Variants in TRIQK observed in about 807,000 individuals in gnomAD.
TRIQK encodes triple QxxK/R motif containing.
In TRIQK, 10 loss-of-function variants were observed where a neutral mutation model predicts 10.8. That is an observed-to-expected ratio of 0.92 (90% CI 0.57 to 1.57). The LOEUF (loss-of-function observed/expected upper bound fraction) is 1.57, where lower values mean the gene tolerates loss of function less well. Among genes scored for constraint, TRIQK ranks in the 40% most tolerant of loss-of-function variants. TRIQK has a pLI of 0.00. For missense variants in TRIQK, 107 were observed against 97.7 expected, an observed-to-expected ratio of 1.09 and a Z score of -0.40; for synonymous variants, 33 against 33.7, an observed-to-expected ratio of 0.98 and a Z score of 0.07.
At chr8:92,922,168 A>G (rs1039390278) in intron 2 of TRIQK, 6 of 151,758 alleles carry the variant, frequency 4.0e-5, no homozygotes, top group African/African-American at 1.4e-4. Context: ...GACAGCACCT[A>G]ATTCTATAGT....
intron 2 of TRIQK, among the ~76,000 whole-genome samples, chr8:92,934,043 A>C (rs1215504300): frequency 2.6e-5 from 4 of 152,062 alleles, no homozygotes; most frequent in Non-Finnish European, 5.9e-5. Flanking sequence ...GAAAGTGTGA[A>C]AGAAATAAAA....
At chr8:92,915,215 G>A (rs1294811165) in intron 3 of TRIQK, among the ~76,000 whole-genome samples, 4 of 152,074 alleles carry the variant, frequency 2.6e-5, no homozygotes, top group African/African-American at 9.7e-5. Flanking sequence ...GAGGGAAGGG[G>A]AAATGCAGAG....
At chr8:92,957,729 A>G (rs1376950918) in intron 1 of TRIQK, among the ~76,000 whole-genome samples, 1 of 151,928 alleles carries the variant, frequency 6.6e-6, no homozygotes, top group East Asian at 1.9e-4. Flanking sequence ...AGTTAGTTCT[A>G]TCTACTCAGG....
At chr8:92,932,308 A>G (rs1175908057) in intron 2 of TRIQK, among the ~76,000 whole-genome samples, 1 of 152,136 alleles carries the variant, frequency 6.6e-6, no homozygotes, top group Admixed American at 6.6e-5. Flanking sequence ...ATCTAGCATC[A>G]TTCTAACAAA....
intron 2 of TRIQK, chr8:92,922,265 C>A (rs1276469046): frequency 6.6e-6 from 1 of 151,690 alleles, no homozygotes; most frequent in African/African-American, 2.4e-5. Flanking sequence ...ATAATTTATT[C>A]ATATAGCAAT....
chr8:92,903,521 G>T (rs1809070742), intron 3 of TRIQK, among the ~76,000 whole-genome samples: 1 of 152,082 alleles, frequency 6.6e-6, no homozygotes, highest in Non-Finnish European at 1.5e-5. Context: ...TACATGCATA[G>T]TTAGGAGGAT....
At chr8:92,976,866 T>A (rs1812938486) in intron 1 of TRIQK, among the ~76,000 whole-genome samples, 1 of 152,028 alleles carries the variant, frequency 6.6e-6, no homozygotes, top group African/African-American at 2.4e-5. Context: ...AGAAATATTA[T>A]ATTATTTCAC....
intron 1 of TRIQK, among the ~76,000 whole-genome samples, chr8:92,960,210 CTATCTATCTATG>C (rs1264053375): frequency 6.6e-6 from 1 of 152,000 alleles, no homozygotes; most frequent in Non-Finnish European, 1.5e-5. Flanking sequence ...GTCTATCTAT[CTATCTATCTATG>C]TATCTATCTT....
intron 3 of TRIQK, among the ~76,000 whole-genome samples, chr8:92,906,710 T>C (rs1809277117): frequency 8.1e-6 from 1 of 123,034 alleles, no homozygotes; most frequent in South Asian, 2.5e-4. Flanking sequence ...CACGGTGAAA[T>C]CCCGTCTCTA....
intron 2 of TRIQK, among the ~76,000 whole-genome samples, chr8:92,920,793 C>A (rs1810138998): frequency 6.6e-6 from 1 of 151,652 alleles, no homozygotes; most frequent in Non-Finnish European, 1.5e-5. Context: ...TACTAAGAAA[C>A]CAGAAACATA....
intron 1 of TRIQK, among the ~76,000 whole-genome samples, chr8:92,988,511 G>A (rs1477285865): frequency 5.3e-5 from 8 of 152,006 alleles, no homozygotes; most frequent in African/African-American, 1.2e-4. Flanking sequence ...TTCTACTCTC[G>A]TGCTAGAAAT....
At chr8:93,015,253 C>T (rs918957353) in intron 1 of TRIQK, among the ~76,000 whole-genome samples, 5 of 151,818 alleles carry the variant, frequency 3.3e-5, no homozygotes, top group African/African-American at 1.2e-4. Flanking sequence ...AATTTCTTTA[C>T]ATAATTCTAG....
chr8:92,893,532 A>T (rs1254220941), intron 3 of TRIQK, among the ~76,000 whole-genome samples: 1 of 152,004 alleles, frequency 6.6e-6, no homozygotes, highest in African/African-American at 2.4e-5. Flanking sequence ...TAAATAATGG[A>T]ATGAACAAAA....
In TRIQK at chr8:92,885,262, T is replaced by C. The variant is rs1470419845; in HGVS notation, c.*1360A>G. On this transcript the variant is annotated 3_prime_UTR_variant, in exon 5 of 5. Transcript: ENST00000521988. ...GACTTTTTGCAAAAGTACCAGAGAATATCTTTTAGAAACAGTGCTTATAAA... is the reference window on the plus strand; with the variant it reads ...GACTTTTTGCAAAAGTACCAGAGAACATCTTTTAGAAACAGTGCTTATAAA... The C allele has an allele frequency of 3.1e-6, 1 of 318,318 alleles. No individual in the cohort carries two copies. The highest frequency in any genetic ancestry group is 7.7e-5 in the East Asian group (1 of 12,996). 19.7% of individuals were successfully genotyped at this position (318,318 alleles called of 1,614,324 possible).
chr8:92,947,057 G>A (rs1282630038), intron 2 of TRIQK, among the ~76,000 whole-genome samples: 3 of 151,682 alleles, frequency 2.0e-5, no homozygotes, highest in African/African-American at 7.3e-5. Context: ...GAGCCACTGC[G>A]CCTGGCTCAT....
chr8:92,947,716 GC>G (rs1361001346), intron 2 of TRIQK, among the ~76,000 whole-genome samples: 2 of 150,486 alleles, frequency 1.3e-5, no homozygotes, highest in Non-Finnish European at 2.9e-5. Context: ...CAATAATGAA[GC>G]CCATAAACTA....
intron 2 of TRIQK, among the ~76,000 whole-genome samples, chr8:92,927,154 C>T (rs1309361920): frequency 2.0e-5 from 3 of 152,146 alleles, no homozygotes; most frequent in African/African-American, 7.2e-5. Context: ...TATTATAGCA[C>T]TGGACTATCT....
chr8:93,000,483 T>C (rs1041946310), intron 1 of TRIQK, among the ~76,000 whole-genome samples: 9 of 152,128 alleles, frequency 5.9e-5, no homozygotes, highest in Non-Finnish European at 1.3e-4. Context: ...GAGAACAGCC[T>C]GGGAAAAGCC....
intron 1 of TRIQK, among the ~76,000 whole-genome samples, chr8:92,994,320 TTATATATCCCTAGTGTCTATCTGCTTATC>T (rs975694831): frequency 2.0e-5 from 3 of 152,132 alleles, no homozygotes; most frequent in Admixed American, 6.5e-5. Context: ...CTTCTTTTAT[TTATATATCCCTAGTGTCTATCTGCTTATC>T]TATATATCCC....
Sources: allele counts gnomAD v4.1 joint callset (sites outside exome capture counted in the v4.1 genomes callset), GRCh38; gene constraint gnomAD v4.1.1; transcripts MANE v1.5; gene names NCBI Gene and HGNC (gene_info 2026-07-23, HGNC 2026-07-21).